GALNT14: variants seen among roughly 807,000 people sequenced by gnomAD.
GALNT14 encodes the protein polypeptide N-acetylgalactosaminyltransferase 14.
A neutral mutation model predicts 77.5 loss-of-function variants in GALNT14; 60 were observed. That is an observed-to-expected ratio of 0.77 (90% CI 0.63 to 0.96). The LOEUF (loss-of-function observed/expected upper bound fraction) is 0.96, where lower values mean the gene tolerates loss of function less well. Ranked by LOEUF, GALNT14 falls within the 40% of genes least tolerant of loss-of-function variation. GALNT14 has a pLI of 0.00. For missense variants in GALNT14, 710 were observed against 731.0 expected, an observed-to-expected ratio of 0.97 and a Z score of 0.33; for synonymous variants, 280 against 281.7, an observed-to-expected ratio of 0.99 and a Z score of 0.06.
chr2:31,116,711 T>C (rs1458530557), intron 1 of GALNT14, among the ~76,000 whole-genome samples: 1 of 152,166 alleles, frequency 6.6e-6, no homozygotes, highest in African/African-American at 2.4e-5. Context: ...AGAATATTTA[T>C]CTAATACATA....
chr2:31,060,328 C>G (rs1674511492), intron 1 of GALNT14, among the ~76,000 whole-genome samples: 1 of 152,174 alleles, frequency 6.6e-6, no homozygotes. Context: ...CATAAGATCC[C>G]TGGACACACA....
chr2:31,122,451 C>T (rs1678460658), intron 1 of GALNT14, among the ~76,000 whole-genome samples: 1 of 152,216 alleles, frequency 6.6e-6, no homozygotes, highest in Non-Finnish European at 1.5e-5. Flanking sequence ...TAGAGCTGGT[C>T]TTGTGGAGTA....
At chr2:31,018,623 A>C (rs1273331777) in intron 1 of GALNT14, among the ~76,000 whole-genome samples, 1 of 152,220 alleles carries the variant, frequency 6.6e-6, no homozygotes, top group Non-Finnish European at 1.5e-5. Flanking sequence ...GCCAAATCAT[A>C]TCAAGAATCC....
At chr2:31,010,693 C>G (rs1474884572) in intron 1 of GALNT14, among the ~76,000 whole-genome samples, 1 of 152,172 alleles carries the variant, frequency 6.6e-6, no homozygotes, top group Non-Finnish European at 1.5e-5. Context: ...GAATGCTGTC[C>G]TCACTCTTTC....
chr2:30,974,517 C>T (rs749270732), intron 2 of GALNT14, among the ~76,000 whole-genome samples: 23 of 152,254 alleles, frequency 1.5e-4, no homozygotes, highest in Non-Finnish European at 2.9e-4. Flanking sequence ...TCTCAAAGTT[C>T]TAGCCACATT....
At chr2:31,108,809 C>T (rs1677692885) in intron 1 of GALNT14, among the ~76,000 whole-genome samples, 1 of 152,154 alleles carries the variant, frequency 6.6e-6, no homozygotes, top group African/African-American at 2.4e-5. Context: ...GTCGGCAGCT[C>T]CCTGCTCCCT....
chr2:30,938,431 A>C (rs936058839), intron 9 of GALNT14, among the ~76,000 whole-genome samples: 1 of 151,906 alleles, frequency 6.6e-6, no homozygotes, highest in East Asian at 1.9e-4. Context: ...TTATCTCTAA[A>C]GACCAAAAGC....
At chr2:31,003,552 T>C (rs1670489463) in intron 1 of GALNT14, among the ~76,000 whole-genome samples, 1 of 152,148 alleles carries the variant, frequency 6.6e-6, no homozygotes, top group Non-Finnish European at 1.5e-5. Flanking sequence ...ATTTGATTTC[T>C]CTCTCATTTA....
At chr2:31,039,582 T>C (rs1250337312) in intron 1 of GALNT14, among the ~76,000 whole-genome samples, 1 of 152,204 alleles carries the variant, frequency 6.6e-6, no homozygotes, top group Non-Finnish European at 1.5e-5. Context: ...GAGGGTCCAA[T>C]ATGCTCTTCC....
chr2:31,042,288 T>G (rs1031887826), intron 1 of GALNT14, among the ~76,000 whole-genome samples: 3 of 152,168 alleles, frequency 2.0e-5, no homozygotes, highest in Admixed American at 2.0e-4. Flanking sequence ...TTTCAAAAAC[T>G]CATCTATTGT....
intron 6 of GALNT14, among the ~76,000 whole-genome samples, chr2:30,946,532 G>A (rs1318376324): frequency 6.6e-6 from 1 of 152,162 alleles, no homozygotes; most frequent in African/African-American, 2.4e-5. Context: ...TGCCATGATT[G>A]TAAGTTTCCT....
chr2:30,945,194 G>A (rs1393002623), intron 7 of GALNT14, among the ~76,000 whole-genome samples: 1 of 152,208 alleles, frequency 6.6e-6, no homozygotes, highest in African/African-American at 2.4e-5. Context: ...TAGAAATAAA[G>A]GGCAGAGGAT....
intron 9 of GALNT14, among the ~76,000 whole-genome samples, chr2:30,937,092 T>C (rs996545516): frequency 2.0e-5 from 3 of 152,218 alleles, no homozygotes; most frequent in African/African-American, 7.2e-5. Flanking sequence ...ATCACACTTG[T>C]ATGCTCTTCT....
the GALNT14 span, among the ~76,000 whole-genome samples, chr2:30,904,689 C>A: frequency 6.6e-6 from 1 of 152,256 alleles, no homozygotes; most frequent in Non-Finnish European, 1.5e-5. Context: ...CCAGGAAGCT[C>A]GAACTGGGCG....
intron 1 of GALNT14, among the ~76,000 whole-genome samples, chr2:31,001,956 G>C (rs1670390953): frequency 6.6e-6 from 1 of 152,166 alleles, no homozygotes; most frequent in African/African-American, 2.4e-5. Flanking sequence ...AAATAATAAT[G>C]ATGGAAAGTC....
At chr2:30,900,728 T>C in the GALNT14 span, among the ~76,000 whole-genome samples, 1 of 152,184 alleles carries the variant, frequency 6.6e-6, no homozygotes, top group Non-Finnish European at 1.5e-5. Flanking sequence ...AAATTCCAGA[T>C]TCTAAAAACA....
intron 1 of GALNT14, among the ~76,000 whole-genome samples, chr2:31,087,292 A>C (rs1199877832): frequency 1.3e-5 from 2 of 152,222 alleles, no homozygotes; most frequent in East Asian, 3.8e-4. Flanking sequence ...TGGAAGTATT[A>C]AGTTTAGGAG....
intron 1 of GALNT14, among the ~76,000 whole-genome samples, chr2:31,107,174 A>G (rs1038206951): frequency 6.6e-6 from 1 of 152,166 alleles, no homozygotes; most frequent in Non-Finnish European, 1.5e-5. Context: ...TCCTTTGTAT[A>G]AATGCACCTC....
chr2:31,104,404 C>T (rs1355353755), intron 1 of GALNT14, among the ~76,000 whole-genome samples: 2 of 152,112 alleles, frequency 1.3e-5, no homozygotes, highest in Admixed American at 1.3e-4. Flanking sequence ...CTAAATACTC[C>T]AGTGCATGCC....
Sources: allele counts gnomAD v4.1 joint callset (sites outside exome capture counted in the v4.1 genomes callset), GRCh38; gene constraint gnomAD v4.1.1; transcripts MANE v1.5; gene names NCBI Gene and HGNC (gene_info 2026-07-23, HGNC 2026-07-21).